Variants in FAS observed in about 807,000 individuals in gnomAD.
FAS encodes tumor necrosis factor receptor superfamily member 6.
Under a neutral mutation model 33.2 loss-of-function variants are expected in FAS, and 5 were observed. The ratio of observed to expected loss-of-function variants is 0.15; its 90% confidence interval spans 0.08 to 0.32. The LOEUF (loss-of-function observed/expected upper bound fraction) is 0.32, where lower values mean the gene tolerates loss of function less well. Among genes scored for constraint, FAS ranks in the 10% least tolerant of loss-of-function variants. The pLI is 1.00. For synonymous variants in FAS, 131 were observed against 130.7 expected, an observed-to-expected ratio of 1.00 and a Z score of -0.01; for missense variants, 339 against 386.0, an observed-to-expected ratio of 0.88 and a Z score of 1.02.
intron 1 of FAS, among the ~76,000 whole-genome samples, chr10:88,964,841 C>T (rs1184008836): frequency 3.3e-5 from 5 of 152,110 alleles, no homozygotes; most frequent in East Asian, 3.8e-4. Context: ...AGGAGGCACC[C>T]GTTCTGCTGC....
upstream of FAS, among the ~76,000 whole-genome samples, chr10:88,984,236 A>G (rs1411340884): frequency 3.3e-5 from 5 of 152,238 alleles, no homozygotes; most frequent in African/African-American, 1.2e-4. Context: ...GCCTTGAGAA[A>G]TAGTAGGAGC....
At chr10:89,008,819 C>T (rs1022473046) in intron 3 of FAS, 70 bp from the exon 4 acceptor site, 1 of 1,425,600 alleles carries the variant, frequency 7.0e-7, no homozygotes, top group African/African-American at 1.4e-5. Context: ...CATGCAGCTC[C>T]TGCCCACCAT....
intron 1 of FAS, among the ~76,000 whole-genome samples, chr10:88,998,167 C>G (rs1336839802): frequency 6.6e-6 from 1 of 152,170 alleles, no homozygotes; most frequent in African/African-American, 2.4e-5. Context: ...GCCAACTGGA[C>G]TGGTTCCTTC....
intron 2 of FAS, among the ~76,000 whole-genome samples, chr10:89,005,407 C>T (rs1184602470): frequency 1.3e-5 from 2 of 151,940 alleles, no homozygotes; most frequent in Non-Finnish European, 2.9e-5. Context: ...TGTAAATTGA[C>T]ATTTTTGATT....
chr10:89,009,017 T>C lies in FAS; in HGVS notation c.443+20T>C. The C allele has an allele frequency of 6.5e-7, 1 of 1,543,554 alleles. No individual in the cohort carries two copies. Among genetic ancestry groups the C allele is most frequent in the Non-Finnish European group, 9.0e-7 (1 of 1,115,812 alleles). The stretch of plus-strand genomic sequence containing the variant: ...CACCAAGTAAGTTTTAGTCTTTCTC[T>C]GATTAAAACACTAGATATAACATGA... On this transcript the variant is annotated intron_variant, in intron 4 of 8. Transcript: ENST00000652046.
intron 4 of FAS, 78 bp downstream of exon 4, chr10:89,009,075 C>A: frequency 7.7e-7 from 1 of 1,299,518 alleles, no homozygotes; most frequent in Non-Finnish European, 1.1e-6. Context: ...GTAACACTGA[C>A]TGAGAGTTAA....
rs778357057 is a variant in FAS, at chr10:88,990,953, G to T, written c.30+47G>T. On this transcript the variant is annotated intron_variant, in intron 1 of 8. Coordinates refer to ENST00000652046, the MANE Select transcript of FAS (RefSeq NM_000043.6). This position sits in a 1 kb window ranked among gnomAD's most constrained non-coding sequence, Gnocchi z 4.9. The stretch of plus-strand genomic sequence containing the variant: ...TGGAGGCTTACCCCGTCTTAGTCCC[G>T]GGGATAGGCAAAGTGGGGCGGGCGC... 11 of 1,613,632 alleles carry T rather than the reference G, an allele frequency of 6.8e-6. No homozygotes were observed. Among genetic ancestry groups the T allele is most frequent in the Non-Finnish European group, 9.3e-6 (11 of 1,179,594 alleles).
At chr10:88,975,823 C>A (rs1351270602) in intron 2 of FAS, among the ~76,000 whole-genome samples, 1 of 152,120 alleles carries the variant, frequency 6.6e-6, no homozygotes, top group Non-Finnish European at 1.5e-5. Context: ...TTGAATCTGT[C>A]CTCTATGCTT....
At chr10:89,009,107 T>G in intron 4 of FAS, 110 bp downstream of exon 4, 1 of 1,067,026 alleles carries the variant, frequency 9.4e-7, no homozygotes. Flanking sequence ...CTAGTCCTGC[T>G]TTGCCTCCAA....
chr10:88,977,120 T>C (rs1204964027), intron 2 of FAS, among the ~76,000 whole-genome samples: 1 of 152,192 alleles, frequency 6.6e-6, no homozygotes, highest in African/African-American at 2.4e-5. Context: ...GGTTGCCTGT[T>C]CACTCTGATG....
At chr10:89,007,465 T>A (rs577811414) in intron 2 of FAS, among the ~76,000 whole-genome samples, 1 of 152,292 alleles carries the variant, frequency 6.6e-6, no homozygotes, top group South Asian at 2.1e-4. Flanking sequence ...CTGTTGCTAA[T>A]CATCCTATTT....
At chr10:88,982,783 T>C (rs1207802689), upstream of FAS, among the ~76,000 whole-genome samples, 1 of 152,234 alleles carries the variant, frequency 6.6e-6, no homozygotes, top group Non-Finnish European at 1.5e-5. Flanking sequence ...GATACAAATA[T>C]GTTTATAATG....
At chr10:88,968,305 A>T (rs1343964861) in intron 1 of FAS, among the ~76,000 whole-genome samples, 1 of 152,186 alleles carries the variant, frequency 6.6e-6, no homozygotes, top group Non-Finnish European at 1.5e-5. Flanking sequence ...CTTATTTTGT[A>T]GCCAGCATAT....
intron 1 of FAS, among the ~76,000 whole-genome samples, chr10:88,970,936 C>A (rs999820574): frequency 5.3e-5 from 8 of 151,656 alleles, no homozygotes; most frequent in Non-Finnish European, 1.0e-4. Context: ...ATTTATACAT[C>A]CAAAAACTGA....
intron 4 of FAS, among the ~76,000 whole-genome samples, chr10:89,009,703 G>A (rs1848428288): frequency 6.6e-6 from 1 of 151,986 alleles, no homozygotes; most frequent in Admixed American, 6.6e-5. Flanking sequence ...TGTTTTATTT[G>A]CTAGGAAAAT....
At chr10:88,973,547 A>G (rs1025269875) in intron 2 of FAS, 2 of 374,916 alleles carry the variant, frequency 5.3e-6, no homozygotes, top group African/African-American at 2.1e-5. Flanking sequence ...TTGGGATGCA[A>G]TGTTGTGTTT....
chr10:89,010,902 C>A, intron 6 of FAS, 87 bp downstream of exon 6: 3 of 1,471,132 alleles, frequency 2.0e-6, no homozygotes, highest in Non-Finnish European at 2.8e-6. Context: ...CTATAAAAAG[C>A]TACCACTTTG....
At chr10:88,973,414 C>A (rs1846493932) in intron 2 of FAS, 1 of 1,279,946 alleles carries the variant, frequency 7.8e-7, no homozygotes, top group Non-Finnish European at 1.0e-6. Flanking sequence ...GAAAACAACT[C>A]TTTCTTGTTA....
intron 1 of FAS, chr10:88,991,244 G>A (rs1013614819): frequency 6.2e-6 from 3 of 485,814 alleles, no homozygotes; most frequent in Non-Finnish European, 1.1e-5. Flanking sequence ...GAATTGAAGC[G>A]GAAGTCTGGG....
Sources: allele counts gnomAD v4.1 joint callset (sites outside exome capture counted in the v4.1 genomes callset), GRCh38; gene constraint gnomAD v4.1.1; non-coding constraint Gnocchi (gnomAD v3.1); transcripts MANE v1.5; gene names NCBI Gene and HGNC (gene_info 2026-07-23, HGNC 2026-07-21).